PLXNB1: variants seen among roughly 807,000 people sequenced by gnomAD.
PLXNB1 encodes plexin B1, also known as plexin-B1.
In PLXNB1, 106 loss-of-function variants were observed where a neutral mutation model predicts 209.4. That is an observed-to-expected ratio of 0.51 (90% CI 0.43 to 0.59). The LOEUF is 0.59. PLXNB1 is among the 20% of genes least tolerant of loss of function. The pLI, the probability that PLXNB1 is intolerant of heterozygous loss-of-function variation, is 0.00. For missense variants in PLXNB1, 2,357 were observed against 2,853.2 expected (o/e 0.83, Z 3.96); for synonymous variants, 1,167 against 1,183.2 (o/e 0.99, Z 0.28).
rs2038609516 is a variant in PLXNB1, at chr3:48,422,667, G to A, written c.1290+98C>T. 3.6e-6 allele frequency: 5 copies of A among 1,370,462 alleles called. No homozygotes were observed. The Admixed American group carries it at 8.6e-5, about 23-fold the overall frequency. 84.9% of individuals were successfully genotyped at this position (1,370,462 alleles called of 1,614,324 possible). The stretch of plus-strand genomic sequence containing the variant: ...AGAGGAGCTCAGGTCATCTCTCCTG[G>A]CCCAGGGGTCACAGGGATAGCTTAA... On this transcript the variant is annotated intron_variant, in intron 4 of 37. Transcript: ENST00000296440.
At position 48,422,443 on chromosome 3, in the gene PLXNB1, C is replaced by T; in HGVS notation, c.1307G>A (p.Gly436Glu). 6.3e-7 allele frequency: 1 copy of T among 1,592,438 alleles called. No individual in the cohort carries two copies. The highest frequency in any genetic ancestry group is 8.5e-7 in the Non-Finnish European group (1 of 1,169,886). ...GQLHRVYLGP[G>E]SDGHPYSTQS... ...TGTGGAGTATGGGTGGCCATCGCTC[C>T]CTGGGCCCAAGTAGACCTGGGATCA... The change falls in exon 5 of 38, where the codon GGG (glycine) becomes GAG (glutamate). Residue 436 changes from glycine to glutamate, a missense_variant. Around this residue, in one of 7 missense-constraint regions of PLXNB1, gnomAD observed 404 missense variants for 443.6 expected, o/e 0.91. Transcript: ENST00000296440.
At position 48,427,526 on chromosome 3, in the gene PLXNB1, A is replaced by G. The variant is rs1395636281; in HGVS notation, c.-59-2193T>C. 7.9e-5 allele frequency among the ~76,000 whole-genome samples: 12 copies of G among 151,968 alleles called. No individual in the cohort carries two copies. In the South Asian group the frequency reaches 2.1e-3, roughly 26 times the overall value. ...TCCCAACTTCTCAGGACTTTCCTTG[A>G]GCAGAATTGAGTACACCCCTCCCCC... is the stretch of plus-strand genomic sequence containing the variant. On this transcript the variant is annotated intron_variant, in intron 1 of 37. Coordinates refer to ENST00000296440, the MANE Select transcript of PLXNB1 (RefSeq NM_001130082.3).
Position 48,415,269 on chromosome 3 carries a change from C to T in PLXNB1, c.3873G>A (p.Ser1291=), listed in dbSNP as rs751530688. 57 of 1,613,472 alleles carry T rather than the reference C, an allele frequency of 3.5e-5. No homozygotes were observed. In the Admixed American group the frequency reaches 5.8e-4, roughly 17 times the overall value. The change falls in exon 20 of 38, where the codon TCG becomes TCA. Residue 1291 remains serine (S), a synonymous_variant. Transcript: ENST00000296440. This position sits in a 1 kb window ranked among gnomAD's most constrained non-coding sequence, Gnocchi z 5.0. ...QTPRIRVTVV[S]RMLQPSQGLG... ...GCCCCTGGCTGGGCTGCAGCATTCT[C>T]GAGACCACGGTCACCCGGATTCTTG...
At chr3:48,425,651 C>A (rs2038847247) in intron 1 of PLXNB1, among the ~76,000 whole-genome samples, 1 of 152,146 alleles carries the variant, frequency 6.6e-6, no homozygotes, top group African/African-American at 2.4e-5. Flanking sequence ...AGGTCCCTCT[C>A]TCTGCTCAAA....
chr3:48,424,340 G>C lies in PLXNB1; in HGVS notation c.272C>G (p.Ala91Gly), dbSNP rs1299793529. The C allele has an allele frequency of 6.4e-7, 1 of 1,554,900 alleles. No homozygotes were observed. Among genetic ancestry groups the C allele is most frequent in the African/African-American group, 1.4e-5 (1 of 73,224 alleles). Residue 91 changes from alanine (A) to glycine (G), a missense_variant, in exon 3 of 38, where the codon GCC (alanine) becomes GGC (glycine). Physicochemically the swap from Ala to Gly is moderately conservative, Grantham distance 60. Around this residue, in one of 7 missense-constraint regions of PLXNB1, gnomAD observed 107 missense variants for 167.2 expected, o/e 0.64. Transcript: ENST00000296440. ...PPVMPDECPQ[A>G]QPTNNPNQLL... ...CTGATTCGGGTTGTTGGTAGGCTGGGCCTGGGGGCACTCATCAGGCATCAC... is the reference window on the plus strand; with the variant it reads ...CTGATTCGGGTTGTTGGTAGGCTGGCCCTGGGGGCACTCATCAGGCATCAC...
intron 2 of PLXNB1, among the ~76,000 whole-genome samples, chr3:48,425,013 T>A (rs1338227944): frequency 6.6e-6 from 1 of 152,030 alleles, no homozygotes; most frequent in African/African-American, 2.4e-5. Flanking sequence ...AGGCTCTACA[T>A]GGATGAGGGT....
At position 48,419,266 on chromosome 3, in the gene PLXNB1, C is replaced by T. The variant is rs2038323108; in HGVS notation, c.2810G>A (p.Gly937Asp). The change falls in exon 12 of 38, where the codon GGC becomes GAC. Residue 937 changes from glycine to aspartate, a missense_variant. Transcript: ENST00000296440. This position sits in a 1 kb window ranked among gnomAD's most constrained non-coding sequence, Gnocchi z 5.7. ...VHVEREIRLLGRNLHLFQDGP... is the reference protein window; with the variant it reads ...VHVEREIRLLDRNLHLFQDGP... The stretch of plus-strand genomic sequence containing the variant: ...GACCTGGAAAAGGTGCAGGTTCCTG[C>T]CTAGCAGCCGGATTTCCCGCTCCAC... 1 of 1,589,880 alleles carries T rather than the reference C, an allele frequency of 6.3e-7. No individual in the cohort carries two copies. Among genetic ancestry groups the T allele is most frequent in the Non-Finnish European group, 8.6e-7 (1 of 1,165,462 alleles).
chr3:48,415,079 A>G lies in PLXNB1; in HGVS notation c.3967-38T>C, dbSNP rs2106835895. On this transcript the variant is annotated intron_variant, in intron 20 of 37. Transcript: ENST00000296440. The surrounding 1 kb of genome is among the most constrained non-coding windows in gnomAD (Gnocchi z 5.0). ...CAGGCAGGTTGACGAGGGGCCAAGC[A>G]AAGATGGGAAGAGCCTCCTCTGGCA... 1 of 1,609,306 alleles carries G rather than the reference A, an allele frequency of 6.2e-7. No individual in the cohort carries two copies. The highest frequency in any genetic ancestry group is 2.2e-5 in the East Asian group (1 of 44,770).
Position 48,414,783 on chromosome 3 carries a change from C to T in PLXNB1, c.4209+16G>A, listed in dbSNP as rs1215803167. ...AAGGGTCTCGGGGCCCTGCCAGGTC[C>T]AAGTAGGAGCTGTACCTCCACGGAG... On this transcript the variant is annotated intron_variant, in intron 21 of 37. Transcript: ENST00000296440. The T allele has an allele frequency of 6.2e-7, 1 of 1,609,424 alleles. No homozygotes were observed. The highest frequency in any genetic ancestry group is 8.5e-7 in the Non-Finnish European group (1 of 1,176,666).
In PLXNB1 at chr3:48,419,752, T is replaced by C. The variant is rs766730689; in HGVS notation, c.2534A>G (p.Glu845Gly). Reference sequence around the variant, plus strand: ...GTCCGCCTCGGGCAGCTCGCCGCCTTCTCTCGTGAGCCAGTCCAGGGCGGG... The same window carrying C: ...GTCCGCCTCGGGCAGCTCGCCGCCTCCTCTCGTGAGCCAGTCCAGGGCGGG... ...VKPALDWLTR[E>G]GGELPEADEW... Residue 845 changes from glutamate to glycine, a missense_variant, in exon 11 of 38, where the codon GAA (glutamate) becomes GGA (glycine). Glu to Gly is a moderately conservative substitution (Grantham distance 98). This residue lies in a region of PLXNB1 where 410 missense variants were observed against 401.0 expected (regional missense o/e 1.02). Coordinates refer to ENST00000296440, the MANE Select transcript of PLXNB1 (RefSeq NM_001130082.3). The surrounding 1 kb of genome is among the most constrained non-coding windows in gnomAD (Gnocchi z 5.7). 1 of 1,609,590 alleles carries C rather than the reference T, an allele frequency of 6.2e-7. No individual in the cohort carries two copies. The highest frequency in any genetic ancestry group is 8.5e-7 in the Non-Finnish European group (1 of 1,178,702).
Position 48,413,894 on chromosome 3 carries a change from C to A in PLXNB1, c.4386+1G>T. The A allele has an allele frequency of 6.2e-7, 1 of 1,607,932 alleles. No individual in the cohort carries two copies. Reference sequence around the variant, plus strand: ...GCCCGGCCAGGGACCTGCCCACTGACCGTGAACTCAGGCAAAGAGTCAGGT... The same window carrying A: ...GCCCGGCCAGGGACCTGCCCACTGAACGTGAACTCAGGCAAAGAGTCAGGT... On this transcript the variant is annotated splice_donor_variant, in intron 22 of 37. Coordinates refer to ENST00000296440, the MANE Select transcript of PLXNB1 (RefSeq NM_001130082.3). LOFTEE classifies it high-confidence loss of function. The surrounding 1 kb of genome is among the most constrained non-coding windows in gnomAD (Gnocchi z 5.4).
chr3:48,428,902 G>A (rs886345127), intron 1 of PLXNB1, among the ~76,000 whole-genome samples: 17 of 151,892 alleles, frequency 1.1e-4, no homozygotes, highest in Non-Finnish European at 1.6e-4. Context: ...CTACTGAGGG[G>A]AAGCCCCGAC....
chr3:48,409,083 T>C lies in PLXNB1; in HGVS notation c.6087+246A>G, dbSNP rs1316519669. On this transcript the variant is annotated intron_variant, in intron 34 of 37. Coordinates refer to ENST00000296440, the MANE Select transcript of PLXNB1 (RefSeq NM_001130082.3). The surrounding 1 kb of genome is among the most constrained non-coding windows in gnomAD (Gnocchi z 5.8). ...GCCTACTGCCACGCCTGGCCAGCATTCTATGCCCCAGCCACACCAGGCTGT... is the reference window on the plus strand; with the variant it reads ...GCCTACTGCCACGCCTGGCCAGCATCCTATGCCCCAGCCACACCAGGCTGT... Among the ~76,000 whole-genome samples the C allele has an allele frequency of 6.6e-6, 1 of 152,174 alleles. No individual in the cohort carries two copies. Among genetic ancestry groups the C allele is most frequent in the Non-Finnish European group, 1.5e-5 (1 of 68,034 alleles).
rs1335986186 is a variant in PLXNB1, at chr3:48,415,251, G to A, written c.3891C>T (p.Ser1297=). The A allele has an allele frequency of 6.2e-7, 1 of 1,613,380 alleles. No individual in the cohort carries two copies. Among genetic ancestry groups the A allele is most frequent in the Non-Finnish European group, 8.5e-7 (1 of 1,179,998 alleles). The change falls in exon 20 of 38, where the codon AGC becomes AGT. Residue 1297 remains serine, a synonymous_variant. Transcript: ENST00000296440. The surrounding 1 kb of genome is among the most constrained non-coding windows in gnomAD (Gnocchi z 5.0). ...CGCGACGCCTCCGTCCAAGCCCCTG[G>A]CTGGGCTGCAGCATTCTCGAGACCA... ...VTVVSRMLQP[S]QGLGRRRRVV... is the part of the protein sequence containing the mutation.
intron 4 of PLXNB1, 64 bp from the exon 5 acceptor site, chr3:48,422,523 T>C: frequency 6.8e-7 from 1 of 1,475,892 alleles, no homozygotes; most frequent in Non-Finnish European, 9.0e-7. Context: ...AGCCCTCCCC[T>C]CCTCCACCCA....
Position 48,412,910 on chromosome 3 carries a change from G to C in PLXNB1, c.4686C>G (p.Gly1562=). 6.2e-7 allele frequency: 1 copy of C among 1,614,086 alleles called. No homozygotes were observed. The highest frequency in any genetic ancestry group is 8.5e-7 in the Non-Finnish European group (1 of 1,180,020). ...TDLTSDLLGS[G]IPFLDYKVYA... ...ACACCTTGTAGTCGAGGAAGGGGAT[G>C]CCGCTGCCCAGGAGGTCACTGGTGA... The change falls in exon 25 of 38, where the codon GGC becomes GGG. Residue 1562 remains glycine (G), a synonymous_variant. Transcript: ENST00000296440.
In PLXNB1 at chr3:48,415,755, G is replaced by A. The variant is rs1234951362; in HGVS notation, c.3622C>T (p.Pro1208Ser). The A allele has an allele frequency of 1.9e-6, 3 of 1,541,958 alleles. No homozygotes were observed. The Admixed American group carries it at 5.9e-5, about 30-fold the overall frequency. ...VVGDQPCHLL[P>S]EQQSEQLRCE... ...CGCAGTTGTTCTGACTGCTGCTCCG[G>A]CAGCCTGGGAGGGGAGGTGGGAATG... Residue 1208 changes from proline to serine, a missense_variant, in exon 19 of 38, where the codon CCG becomes TCG. This residue lies in a region of PLXNB1 where 743 missense variants were observed against 896.2 expected (regional missense o/e 0.83). Coordinates refer to ENST00000296440, the MANE Select transcript of PLXNB1 (RefSeq NM_001130082.3). The surrounding 1 kb of genome is among the most constrained non-coding windows in gnomAD (Gnocchi z 5.0).
rs745365566 is a variant in PLXNB1, at chr3:48,409,954, C to T, written c.5729G>A (p.Arg1910His). ...GTAGATCTCAGGGATGGCCTTGGCG[C>T]GCTCACGCTCCCCGCCCCGAAGGCT... ...RGSLRGGERE[R>H]AKAIPEIYLT... is the part of the protein sequence containing the mutation. The change falls in exon 32 of 38, where the codon CGC (arginine) becomes CAC (histidine). Residue 1910 changes from arginine to histidine, a missense_variant. Physicochemically the swap from Arg to His is conservative, Grantham distance 29. Coordinates refer to ENST00000296440, the MANE Select transcript of PLXNB1 (RefSeq NM_001130082.3). This position sits in a 1 kb window ranked among gnomAD's most constrained non-coding sequence, Gnocchi z 5.8. 1.1e-5 allele frequency: 18 copies of T among 1,611,926 alleles called. No individual in the cohort carries two copies. The highest frequency in any genetic ancestry group is 2.7e-5 in the African/African-American group (2 of 74,862).
At position 48,408,606 on chromosome 3, in the gene PLXNB1, C is replaced by T. The variant is rs1015827109; in HGVS notation, c.6087+723G>A. On this transcript the variant is annotated intron_variant, in intron 34 of 37. Coordinates refer to ENST00000296440, the MANE Select transcript of PLXNB1 (RefSeq NM_001130082.3). ...CTCACACATCCCTCAAACTGTGACA[C>T]TCCATGAACTCTCTTCCCTACTTCC... 2.6e-5 allele frequency among the ~76,000 whole-genome samples: 4 copies of T among 152,142 alleles called. No homozygotes were observed. In the East Asian group the frequency reaches 7.7e-4, roughly 29 times the overall value.
Sources: gnomAD v4.1 joint callset for allele counts (sites outside exome capture counted in the v4.1 genomes callset) on GRCh38, gnomAD v4.1.1 for gene constraint, gnomAD v4.1.1 regional missense constraint, Gnocchi (gnomAD v3.1) non-coding constraint, MANE v1.5 for transcripts, NCBI Gene and HGNC (gene_info 2026-07-23, HGNC 2026-07-21) for gene names.